The following ART3 variants were observed in gnomAD, a reference collection of about 807,000 sequenced individuals.
ART3 encodes ADP-ribosyltransferase 3 (inactive), also known as ecto-ADP-ribosyltransferase 3.
In ART3, 49 loss-of-function variants were observed where a neutral mutation model predicts 48.5. The ratio of observed to expected loss-of-function variants is 1.01; its 90% CI spans 0.80 to 1.28. The LOEUF (loss-of-function observed/expected upper bound fraction) is 1.28. ART3 is among the 50% of genes most tolerant of loss of function. The pLI, the probability that ART3 is intolerant of heterozygous loss-of-function variation, is 0.00. For missense variants in ART3, 438 were observed against 454.3 expected (o/e 0.96, Z 0.33); for synonymous variants, 145 against 157.2 (o/e 0.92, Z 0.58).
At chr4:76,100,741 T>C (rs1727112433) in intron 6 of ART3, 54 bp from the exon 7 acceptor site, 1 of 1,588,462 alleles carries the variant, frequency 6.3e-7, no homozygotes, top group Admixed American at 1.8e-5. Context: ...CTGTAGTAAC[T>C]GCCAATTCTT....
chr4:76,092,798 A>G (rs939100310), intron 3 of ART3, among the ~76,000 whole-genome samples: 4 of 152,174 alleles, frequency 2.6e-5, no homozygotes, highest in African/African-American at 9.7e-5. Context: ...CCCCAGCTCA[A>G]TGAAACTCTA....
In ART3 at chr4:76,075,016, C is replaced by T. The variant is rs557421865; in HGVS notation, c.-10+197C>T. Among the ~76,000 whole-genome samples the T allele has an allele frequency of 2.0e-5, 3 of 152,138 alleles. No homozygotes were observed. In the South Asian group the frequency reaches 6.2e-4, roughly 32 times the overall value. ...TTTAGTATTTTTAGTAAAAACAAAA[C>T]AAAACTGCTTCTGAAGAAATATGGG... On this transcript the variant is annotated intron_variant, in intron 1 of 11. Transcript: ENST00000355810.
chr4:76,048,368 T>G (rs781047942), intron 1 of ART3, among the ~76,000 whole-genome samples: 3 of 151,782 alleles, frequency 2.0e-5, no homozygotes, highest in Non-Finnish European at 2.9e-5. Flanking sequence ...CAAGCCATAG[T>G]GTAGAAAAAA....
intron 1 of ART3, among the ~76,000 whole-genome samples, chr4:76,039,153 G>A (rs1734722460): frequency 6.7e-6 from 1 of 149,442 alleles, no homozygotes; most frequent in Admixed American, 6.7e-5. Flanking sequence ...AGGCTGGAGT[G>A]CAGTGGCATG....
intron 1 of ART3, among the ~76,000 whole-genome samples, chr4:76,014,324 G>A (rs915977796): frequency 1.3e-5 from 2 of 152,074 alleles, no homozygotes; most frequent in East Asian, 3.8e-4. Context: ...AAGACAAAAT[G>A]AGAATATTAA....
chr4:76,022,361 C>T (rs1265536929), intron 1 of ART3: 5 of 1,612,104 alleles, frequency 3.1e-6, no homozygotes, highest in Non-Finnish European at 4.2e-6. Flanking sequence ...CAACAGCAAA[C>T]CTACCTTTCC....
At chr4:76,101,442 T>C (rs934499317) in intron 8 of ART3, among the ~76,000 whole-genome samples, 2 of 152,248 alleles carry the variant, frequency 1.3e-5, no homozygotes, top group Non-Finnish European at 2.9e-5. Flanking sequence ...GTGTAACTTA[T>C]CCTCAAGTAT....
chr4:76,026,341 A>G (rs1733382785), intron 1 of ART3, among the ~76,000 whole-genome samples: 1 of 152,184 alleles, frequency 6.6e-6, no homozygotes, highest in Admixed American at 6.5e-5. Context: ...GCTAAAATGT[A>G]TGCCCCAGGA....
intron 1 of ART3, among the ~76,000 whole-genome samples, chr4:76,018,621 A>G (rs1228334478): frequency 2.6e-5 from 4 of 152,244 alleles, no homozygotes; most frequent in African/African-American, 7.2e-5. Flanking sequence ...TTCAAGAAGT[A>G]TTAAATACAA....
rs1180951822 is a variant in ART3, at chr4:76,050,921, G to GGGGCCGGCA, written c.-9-24951_-9-24943dup. On this transcript the variant is annotated intron_variant, in intron 1 of 9. Transcript: ENST00000341029. ...CCGGGTGCTAAGCCCCTCATTGCCT[G>GGGGCCGGCA]GGGCCGGCAGGGCCGGCGGGCTGCT... Among the ~76,000 whole-genome samples the GGGGCCGGCA allele has an allele frequency of 5.3e-4, 80 of 152,364 alleles. 1 individual carries two copies. Among genetic ancestry groups the GGGGCCGGCA allele is most frequent in the African/African-American group, 1.9e-3 (79 of 41,592 alleles).
At chr4:76,037,606 T>G (rs892822855) in intron 1 of ART3, among the ~76,000 whole-genome samples, 9 of 152,178 alleles carry the variant, frequency 5.9e-5, no homozygotes, top group African/African-American at 2.2e-4. Context: ...GTGCTAGGAT[T>G]ACTGGGATGA....
At chr4:76,087,367 C>T (rs188279948) in intron 3 of ART3, among the ~76,000 whole-genome samples, 42 of 152,184 alleles carry the variant, frequency 2.8e-4, no homozygotes, top group African/African-American at 8.7e-4. Context: ...AGTCCTCTGC[C>T]GCCATCTAGA....
At chr4:76,033,744 A>C (rs1198371246) in intron 1 of ART3, 1 of 152,210 alleles carries the variant, frequency 6.6e-6, no homozygotes, top group African/African-American at 2.4e-5. Context: ...GATTCTTTAA[A>C]CTAGTCTTGA....
At chr4:76,104,748 G>T in intron 10 of ART3, 119 bp downstream of exon 10, 2 of 1,228,812 alleles carry the variant, frequency 1.6e-6, no homozygotes, top group Admixed American at 4.2e-5. Flanking sequence ...GTAGCCATCA[G>T]TAGTCACATG....
At chr4:76,011,899 C>A (rs897436908) in intron 1 of ART3, among the ~76,000 whole-genome samples, 1 of 152,204 alleles carries the variant, frequency 6.6e-6, no homozygotes, top group African/African-American at 2.4e-5. Context: ...TCCCATTGAT[C>A]GTTGCATTTA....
In ART3 at chr4:76,104,971, G is replaced by A. The variant is rs552821985; in HGVS notation, c.1003+342G>A. Among the ~76,000 whole-genome samples the A allele has an allele frequency of 7.9e-5, 12 of 152,214 alleles. No individual in the cohort carries two copies. The South Asian group carries it at 1.0e-3, about 13-fold the overall frequency. Reference sequence around the variant, plus strand: ...CCAGCCACACAGTGCTGAACTTCACGTAACGCTGCTGTCAATGGAAGCTGC... The same window carrying A: ...CCAGCCACACAGTGCTGAACTTCACATAACGCTGCTGTCAATGGAAGCTGC... On this transcript the variant is annotated intron_variant, in intron 10 of 11. Transcript: ENST00000355810.
At chr4:76,065,482 CATT>C (rs1252638848) in intron 1 of ART3, among the ~76,000 whole-genome samples, 3 of 151,418 alleles carry the variant, frequency 2.0e-5, no homozygotes, top group African/African-American at 4.9e-5. Flanking sequence ...GTTTTTTTCT[CATT>C]AATGGTATAA....
At chr4:76,044,560 TC>T (rs1169960286) in intron 1 of ART3, among the ~76,000 whole-genome samples, 1 of 151,698 alleles carries the variant, frequency 6.6e-6, no homozygotes, top group African/African-American at 2.4e-5. Flanking sequence ...CACTGTTTTT[TC>T]TTTACTACTT....
intron 3 of ART3, among the ~76,000 whole-genome samples, chr4:76,091,850 T>G (rs1355058321): frequency 6.6e-6 from 1 of 151,922 alleles, no homozygotes; most frequent in Non-Finnish European, 1.5e-5. Context: ...CCTGGCTAAT[T>G]TTTTGTATTT....
Sources: gnomAD v4.1 joint callset for allele counts (sites outside exome capture counted in the v4.1 genomes callset) on GRCh38, gnomAD v4.1.1 for gene constraint, MANE v1.5 for transcripts, NCBI Gene and HGNC (gene_info 2026-07-23, HGNC 2026-07-21) for gene names.